Variants in PRKCQ observed in about 807,000 individuals in gnomAD.
PRKCQ encodes protein kinase C theta type.
A neutral mutation model predicts 91.2 loss-of-function variants in PRKCQ; 41 were observed. That is an observed-to-expected ratio of 0.45 (90% CI 0.35 to 0.58). The LOEUF is 0.58. Among genes scored for constraint, PRKCQ ranks in the 20% least tolerant of loss-of-function variants. The probability of loss-of-function intolerance (pLI) is 0.00; values close to 1 mark genes in which losing one functional copy is unlikely to be tolerated. For synonymous variants in PRKCQ, 307 were observed against 316.9 expected, an observed-to-expected ratio of 0.97 and a Z score of 0.33; for missense variants, 673 against 896.5, an observed-to-expected ratio of 0.75 and a Z score of 3.18.
chr10:6,445,479 C>T (rs765975619), intron 15 of PRKCQ, among the ~76,000 whole-genome samples: 8 of 152,152 alleles, frequency 5.3e-5, no homozygotes, highest in Admixed American at 1.3e-4. Flanking sequence ...TTGTGAAAAA[C>T]GGGAATCATA....
rs56410043 is a variant in PRKCQ at position 6,508,172 on chromosome 10, T to C, written c.319-676A>G. On this transcript the variant is annotated intron_variant, in intron 3 of 17. Coordinates refer to ENST00000263125, the MANE Select transcript of PRKCQ (RefSeq NM_006257.5). ...CAAAGTGTCATTTTAAGGGATGATG[T>C]AGGATCTCCCATAAAGTGACATAAG... 5.9e-3 allele frequency among the ~76,000 whole-genome samples: 899 copies of C among 152,318 alleles called. 3 individuals carry two copies. The highest frequency in any genetic ancestry group is 0.02 in the Middle Eastern group (6 of 294).
chr10:6,461,600 C>T (rs762524027), intron 14 of PRKCQ, among the ~76,000 whole-genome samples: 5 of 152,194 alleles, frequency 3.3e-5, no homozygotes, highest in Non-Finnish European at 5.9e-5. Flanking sequence ...CTTGACTGCA[C>T]CCTCAGAAAA....
At chr10:6,524,863 G>A (rs1427034083) in intron 1 of PRKCQ, among the ~76,000 whole-genome samples, 10 of 152,192 alleles carry the variant, frequency 6.6e-5, no homozygotes, top group African/African-American at 2.4e-4. Flanking sequence ...TCTGTGAGGT[G>A]CCTCCTGGCT....
intron 15 of PRKCQ, among the ~76,000 whole-genome samples, chr10:6,444,355 C>T (rs984946579): frequency 6.6e-6 from 1 of 151,854 alleles, no homozygotes; most frequent in Admixed American, 6.6e-5. Context: ...CCGCACCTGG[C>T]ACTATTTTTA....
intron 1 of PRKCQ, among the ~76,000 whole-genome samples, chr10:6,573,107 C>T (rs1432418119): frequency 6.6e-6 from 1 of 152,196 alleles, no homozygotes; most frequent in Non-Finnish European, 1.5e-5. Flanking sequence ...ACCCTTCCTA[C>T]ATGAAATGCA....
intron 1 of PRKCQ, among the ~76,000 whole-genome samples, chr10:6,556,943 C>T (rs1840444853): frequency 6.6e-6 from 1 of 152,160 alleles, no homozygotes; most frequent in Non-Finnish European, 1.5e-5. Flanking sequence ...TTCAACTTAT[C>T]CCAGTCTCCA....
intron 15 of PRKCQ, among the ~76,000 whole-genome samples, chr10:6,448,399 G>A (rs1252771636): frequency 6.8e-6 from 1 of 147,060 alleles, no homozygotes. Flanking sequence ...GGCCTGGCCA[G>A]GGAAGGTAGC....
At chr10:6,483,290 G>T (rs1836713853) in intron 11 of PRKCQ, 150 bp downstream of exon 11, 3 of 989,534 alleles carry the variant, frequency 3.0e-6, no homozygotes, top group South Asian at 3.0e-5. Flanking sequence ...AGCCCTCGGG[G>T]TCCCTATTTA....
chr10:6,424,980 G>A (rs1003033745), downstream of PRKCQ, among the ~76,000 whole-genome samples: 5 of 152,180 alleles, frequency 3.3e-5, no homozygotes, highest in Non-Finnish European at 5.9e-5. Flanking sequence ...GACCGGCATC[G>A]AAGAGACTGG....
rs144888243 is a variant in PRKCQ at position 6,531,801 on chromosome 10, G to GT, written c.-9-16658dup. Among the ~76,000 whole-genome samples, 542 of 152,146 alleles carry GT rather than the reference G, an allele frequency of 3.6e-3. 2 individuals carry two copies. The highest frequency in any genetic ancestry group is 5.3e-3 in the Non-Finnish European group (361 of 67,992). Reference sequence around the variant, plus strand: ...AGGAAATAAATCAGTTAGTGGATCTGTTTTTTGTTTTTTTGTTTTTTTCAT... The same window carrying GT: ...AGGAAATAAATCAGTTAGTGGATCTGTTTTTTTGTTTTTTTGTTTTTTTCAT... On this transcript the variant is annotated intron_variant, in intron 1 of 17. Coordinates refer to ENST00000263125, the MANE Select transcript of PRKCQ (RefSeq NM_006257.5).
rs1178880965 is a variant in PRKCQ at position 6,465,608 on chromosome 10, A to G, written c.1354-1204T>C. Reference sequence around the variant, plus strand: ...GCATGAATTTGCATCTGAAAGTCTCACCTGGGTGGTTTCTTAACAGAATTA... The same window carrying G: ...GCATGAATTTGCATCTGAAAGTCTCGCCTGGGTGGTTTCTTAACAGAATTA... On this transcript the variant is annotated intron_variant, in intron 12 of 17. Coordinates refer to ENST00000263125, the MANE Select transcript of PRKCQ (RefSeq NM_006257.5). The surrounding 1 kb of genome is among the most constrained non-coding windows in gnomAD (Gnocchi z 4.4). Among the ~76,000 whole-genome samples, 1 of 152,234 alleles carries G rather than the reference A, an allele frequency of 6.6e-6. No individual in the cohort carries two copies. The highest frequency in any genetic ancestry group is 1.5e-5 in the Non-Finnish European group (1 of 68,042).
the PRKCQ span, among the ~76,000 whole-genome samples, chr10:6,408,046 G>GTTTTTTTTTT: frequency 1.7e-4 from 14 of 84,226 alleles, 1 homozygote; most frequent in Admixed American, 2.8e-4. Context: ...TCTTGTGTCA[G>GTTTTTTTTTT]TTTTTTTTTT....
At chr10:6,530,012 G>C (rs1042777312) in intron 1 of PRKCQ, among the ~76,000 whole-genome samples, 2 of 152,194 alleles carry the variant, frequency 1.3e-5, no homozygotes, top group African/African-American at 4.8e-5. Context: ...CCAAGGGGAT[G>C]AAGTGACACA....
chr10:6,397,023 T>G, the PRKCQ span, among the ~76,000 whole-genome samples: 1 of 152,260 alleles, frequency 6.6e-6, no homozygotes, highest in African/African-American at 2.4e-5. Flanking sequence ...ATTTCTCTAA[T>G]GACTAACGAT....
chr10:6,523,924 C>A (rs1250613995), intron 1 of PRKCQ, among the ~76,000 whole-genome samples: 1 of 152,112 alleles, frequency 6.6e-6, no homozygotes, highest in Non-Finnish European at 1.5e-5. Flanking sequence ...AGCTTCTTAA[C>A]CTGTTATTAA....
At chr10:6,402,542 G>C in the PRKCQ span, among the ~76,000 whole-genome samples, 1 of 152,162 alleles carries the variant, frequency 6.6e-6, no homozygotes, top group Non-Finnish European at 1.5e-5. Context: ...TGTACCCAAA[G>C]AAGCAAAGGG....
intron 15 of PRKCQ, among the ~76,000 whole-genome samples, chr10:6,444,877 C>G (rs1025380337): frequency 2.0e-5 from 3 of 151,962 alleles, no homozygotes; most frequent in Non-Finnish European, 4.4e-5. Flanking sequence ...TTCTCCCAGC[C>G]CTTTGGGAGG....
intron 1 of PRKCQ, among the ~76,000 whole-genome samples, chr10:6,562,794 T>C (rs1369354274): frequency 6.6e-6 from 1 of 152,100 alleles, no homozygotes; most frequent in Non-Finnish European, 1.5e-5. Flanking sequence ...ACCTCACTTT[T>C]CTTATCTGAA....
chr10:6,571,603 C>T (rs957921803), intron 1 of PRKCQ, among the ~76,000 whole-genome samples: 2 of 152,174 alleles, frequency 1.3e-5, no homozygotes, highest in Non-Finnish European at 2.9e-5. Context: ...GCCAGGATTT[C>T]AAGTCTAGCC....
Sources: gnomAD v4.1 joint callset for allele counts (sites outside exome capture counted in the v4.1 genomes callset) on GRCh38, gnomAD v4.1.1 for gene constraint, Gnocchi (gnomAD v3.1) non-coding constraint, MANE v1.5 for transcripts, NCBI Gene and HGNC (gene_info 2026-07-23, HGNC 2026-07-21) for gene names.